The following LRP11 variants were observed in gnomAD, a reference collection of about 807,000 sequenced individuals.
LRP11 encodes the protein LDL receptor related protein 11.
In LRP11, 25 loss-of-function variants were observed where a neutral mutation model predicts 43.1. That is an observed-to-expected ratio of 0.58 (90% CI 0.42 to 0.81). The LOEUF is 0.81. LRP11 is among the 30% of genes least tolerant of loss of function. The probability of loss-of-function intolerance (pLI) is 0.00; values close to 1 mark genes in which losing one functional copy is unlikely to be tolerated. For synonymous variants in LRP11, 316 were observed against 299.4 expected (o/e 1.06, Z -0.57); for missense variants, 623 against 665.1 (o/e 0.94, Z 0.70).
rs1776487156 is a variant in LRP11 at position 149,837,387 on chromosome 6, A to G, written c.990T>C (p.Asp330=). 2 of 1,614,036 alleles carry G rather than the reference A, an allele frequency of 1.2e-6. No homozygotes were observed. ...ACCCATCAGGACACTGCTGCACTCCATCGCAGGCGAGCGTGATGTCAATGC... is the reference window on the plus strand; with the variant it reads ...ACCCATCAGGACACTGCTGCACTCCGTCGCAGGCGAGCGTGATGTCAATGC... ...GCCIDITLAC[D]GVQQCPDGSD... The change falls in exon 4 of 7, where the codon GAT becomes GAC. Residue 330 remains aspartate (D), a synonymous_variant. Transcript: ENST00000239367.
chr6:149,863,890 G>A lies in LRP11; in HGVS notation c.131C>T (p.Pro44Leu). 6.7e-7 allele frequency: 1 copy of A among 1,490,940 alleles called. No individual in the cohort carries two copies. Among genetic ancestry groups the A allele is most frequent in the Non-Finnish European group, 8.9e-7 (1 of 1,128,548 alleles). The allele number at this position is 1,490,940 out of a possible 1,614,324, so 92.4% of individuals were successfully genotyped here. Residue 44 changes from proline (P) to leucine (L), a missense_variant, in exon 1 of 7, where the codon CCG becomes CTG. Pro to Leu is a moderately conservative substitution (Grantham distance 98). Transcript: ENST00000239367. ...SGRAALPPAAPLSELHAQLSG... is the reference protein window; with the variant it reads ...SGRAALPPAALLSELHAQLSG... ...CAGCTGCGCGTGCAGTTCGGACAGC[G>A]GCGCCGCGGGCGGCAAGGCCGCACG...
At chr6:149,855,714 A>T (rs373737349) in intron 1 of LRP11, among the ~76,000 whole-genome samples, 6,313 of 124,312 alleles carry the variant, frequency 0.051, 418 homozygotes, top group African/African-American at 0.28. Context: ...TTTTTTTTTA[A>T]AAAAAAAACA....
chr6:149,820,846 TTAAC>T (rs1458933164), intron 6 of LRP11, 143 bp from the exon 7 acceptor site: 7 of 556,544 alleles, frequency 1.3e-5, no homozygotes, highest in African/African-American at 1.2e-4. Flanking sequence ...ATTTTGCAGA[TTAAC>T]TAAGGTGTAC....
intron 5 of LRP11, among the ~76,000 whole-genome samples, chr6:149,834,752 G>A (rs777747729): frequency 1.1e-4 from 17 of 152,172 alleles, no homozygotes; most frequent in Admixed American, 6.5e-5. Context: ...GCAGACACTT[G>A]GCAGCATTCT....
At chr6:149,846,953 TAATAGAATAG>T (rs71010876) in intron 2 of LRP11, among the ~76,000 whole-genome samples, 9,163 of 131,446 alleles carry the variant, frequency 0.07, 389 homozygotes, top group East Asian at 0.17. Context: ...TAAAATAAAA[TAATAGAATAG>T]AATAGAATAG....
chr6:149,856,696 G>C (rs374081408), intron 1 of LRP11, among the ~76,000 whole-genome samples: 1 of 152,166 alleles, frequency 6.6e-6, no homozygotes, highest in Non-Finnish European at 1.5e-5. Flanking sequence ...GACTCCTGCC[G>C]ATTGAGAATG....
chr6:149,835,945 C>T (rs1056504946), intron 5 of LRP11, 140 bp downstream of exon 5: 18 of 753,424 alleles, frequency 2.4e-5, no homozygotes, highest in African/African-American at 1.1e-4. Context: ...GATTTCCCCC[C>T]GCCTTTCTGG....
chr6:149,850,992 G>A (rs1776710608), intron 2 of LRP11, among the ~76,000 whole-genome samples: 1 of 152,216 alleles, frequency 6.6e-6, no homozygotes, highest in African/African-American at 2.4e-5. Context: ...TGGGGGCTTT[G>A]ATTATGATGA....
intron 2 of LRP11, among the ~76,000 whole-genome samples, chr6:149,851,221 T>A: frequency 6.6e-6 from 1 of 152,184 alleles, no homozygotes; most frequent in Non-Finnish European, 1.5e-5. Context: ...ACGAACCCAC[T>A]GTGTGATGCA....
chr6:149,840,246 TC>T (rs1776526581), intron 3 of LRP11, among the ~76,000 whole-genome samples: 1 of 152,174 alleles, frequency 6.6e-6, no homozygotes, highest in South Asian at 2.1e-4. Flanking sequence ...ACCTCTATTT[TC>T]CAATGTCTCT....
At chr6:149,830,731 T>C (rs1485607866) in intron 5 of LRP11, among the ~76,000 whole-genome samples, 1 of 152,186 alleles carries the variant, frequency 6.6e-6, no homozygotes, top group Non-Finnish European at 1.5e-5. Flanking sequence ...TTAAACAGCA[T>C]TTTCTTAAAT....
rs1167501936 is a variant in LRP11, at chr6:149,842,865, C to T, written c.913+118G>A. 4 of 1,293,500 alleles carry T rather than the reference C, an allele frequency of 3.1e-6. No homozygotes were observed. The Admixed American group carries it at 8.6e-5, about 28-fold the overall frequency. 80.1% of individuals were successfully genotyped at this position (1,293,500 alleles called of 1,614,324 possible). On this transcript the variant is annotated intron_variant, in intron 3 of 6. Coordinates refer to ENST00000239367, the MANE Select transcript of LRP11 (RefSeq NM_032832.6). ...TGTTTTTAGCAAAGACTCTCTCATT[C>T]AGCAATAACCAAAAATAAAATGGAA...
At position 149,820,516 on chromosome 6, in the gene LRP11, AT is replaced by A. The variant is rs1776264204; in HGVS notation, c.*32del. On this transcript the variant is annotated 3_prime_UTR_variant, in exon 7 of 7. Transcript: ENST00000239367. ...TAGATGTATAAATTATAAACAAAACATGTCCCTGCCCCAAGGTATTGAAATT... is the reference window on the plus strand; with the variant it reads ...TAGATGTATAAATTATAAACAAAACAGTCCCTGCCCCAAGGTATTGAAATT... 1 of 766,418 alleles carries A rather than the reference AT, an allele frequency of 1.3e-6. No homozygotes were observed. The highest frequency in any genetic ancestry group is 2.4e-6 in the Non-Finnish European group (1 of 411,438). 47.5% of individuals were successfully genotyped at this position (766,418 alleles called of 1,614,324 possible). A position where few individuals can be genotyped will look rare whatever the true frequency, so the allele number is the denominator to read the frequency against.
At chr6:149,860,095 C>T (rs1776868689) in intron 1 of LRP11, among the ~76,000 whole-genome samples, 1 of 152,054 alleles carries the variant, frequency 6.6e-6, no homozygotes, top group Non-Finnish European at 1.5e-5. Flanking sequence ...GGAGAGTGGT[C>T]AAGCATCTGC....
chr6:149,854,882 C>T (rs1389424496), intron 1 of LRP11, among the ~76,000 whole-genome samples: 1 of 152,202 alleles, frequency 6.6e-6, no homozygotes, highest in African/African-American at 2.4e-5. Flanking sequence ...GGGCTTACTG[C>T]AATCCCACCT....
At chr6:149,859,396 A>ATATATTTTTTTTTT in intron 1 of LRP11, among the ~76,000 whole-genome samples, 5 of 71,496 alleles carry the variant, frequency 7.0e-5, no homozygotes, top group African/African-American at 4.1e-4. Context: ...ATATATATAT[A>ATATATTTTTTTTTT]TTTTTTTTTT....
At position 149,843,842 on chromosome 6, in the gene LRP11, C is replaced by CT. The variant is rs1353723733; in HGVS notation, c.772-719dup. ...TCTGTTTGCTCACTTCCCATTTAGT[C>CT]TTCGCCCACCCAATGTAGCTGCTTT... On this transcript the variant is annotated intron_variant, in intron 2 of 6. Transcript: ENST00000239367. Among the ~76,000 whole-genome samples the CT allele has an allele frequency of 9.2e-5, 14 of 152,328 alleles. No homozygotes were observed. The East Asian group carries it at 2.7e-3, about 29-fold the overall frequency.
intron 1 of LRP11, among the ~76,000 whole-genome samples, chr6:149,858,213 C>T (rs1291781060): frequency 1.3e-5 from 2 of 152,138 alleles, no homozygotes; most frequent in African/African-American, 4.8e-5. Context: ...ACCCCCACCC[C>T]GACAGGCCCT....
At chr6:149,839,061 G>GTTT (rs869148170) in intron 3 of LRP11, among the ~76,000 whole-genome samples, 61 of 136,992 alleles carry the variant, frequency 4.5e-4, no homozygotes, top group African/African-American at 1.5e-3. Context: ...GTTTTTTTTT[G>GTTT]TTTTTTTTTT....
Sources: gnomAD v4.1 joint callset for allele counts (sites outside exome capture counted in the v4.1 genomes callset) on GRCh38, gnomAD v4.1.1 for gene constraint, MANE v1.5 for transcripts, NCBI Gene and HGNC (gene_info 2026-07-23, HGNC 2026-07-21) for gene names.